Variants in CADPS2 observed in about 807,000 individuals in gnomAD.
The protein encoded by CADPS2 is calcium dependent secretion activator 2.
In CADPS2, 93 loss-of-function variants were observed where a neutral mutation model predicts 172.5. The observed-to-expected ratio is 0.54, with a 90% CI of 0.46 to 0.64. CADPS2 has a LOEUF of 0.64. CADPS2 is among the 30% of genes least tolerant of loss of function. The pLI is 0.00. For synonymous variants in CADPS2, 546 were observed against 555.2 expected (o/e 0.98, Z 0.23); for missense variants, 1,420 against 1,565.9 (o/e 0.91, Z 1.57).
chr7:122,617,843 A>G (rs1447903071), intron 5 of CADPS2, among the ~76,000 whole-genome samples: 1 of 152,162 alleles, frequency 6.6e-6, no homozygotes, highest in Non-Finnish European at 1.5e-5. Context: ...GGAGATCGAG[A>G]CCATCCTGGC....
intron 28 of CADPS2, among the ~76,000 whole-genome samples, chr7:122,329,530 C>A (rs912928668): frequency 1.3e-5 from 2 of 152,192 alleles, no homozygotes; most frequent in Non-Finnish European, 2.9e-5. Context: ...AGCAACATAC[C>A]GTGCTTTCTT....
At chr7:122,579,670 A>G (rs2068547245) in intron 7 of CADPS2, among the ~76,000 whole-genome samples, 1 of 151,872 alleles carries the variant, frequency 6.6e-6, no homozygotes, top group African/African-American at 2.4e-5. Context: ...AATAGTTTAA[A>G]TGAAAAACCC....
At chr7:122,411,436 C>T (rs781018003) in intron 19 of CADPS2, among the ~76,000 whole-genome samples, 6 of 151,804 alleles carry the variant, frequency 4.0e-5, no homozygotes, top group African/African-American at 7.3e-5. Flanking sequence ...GCCAGGCTGA[C>T]CTTGAACTCC....
chr7:122,628,437 G>A (rs187043603), intron 4 of CADPS2, among the ~76,000 whole-genome samples: 21 of 151,874 alleles, frequency 1.4e-4, no homozygotes, highest in Admixed American at 9.9e-4. Context: ...TACATGTTAC[G>A]AGAGAGAGAA....
intron 3 of CADPS2, among the ~76,000 whole-genome samples, chr7:122,656,088 T>C (rs1378263294): frequency 6.6e-6 from 1 of 152,094 alleles, no homozygotes; most frequent in South Asian, 2.1e-4. Context: ...ATGCCATGAG[T>C]GGTAGGAATA....
At chr7:122,516,697 T>A (rs1160499626) in intron 8 of CADPS2, among the ~76,000 whole-genome samples, 1 of 152,078 alleles carries the variant, frequency 6.6e-6, no homozygotes, top group Non-Finnish European at 1.5e-5. Flanking sequence ...ATGGGAAAAT[T>A]CTTATAATGT....
chr7:122,329,640 C>T (rs1453698428), intron 28 of CADPS2, among the ~76,000 whole-genome samples: 1 of 152,140 alleles, frequency 6.6e-6, no homozygotes, highest in Non-Finnish European at 1.5e-5. Context: ...TCCTTTTTAC[C>T]TAATTTATAA....
intron 1 of CADPS2, among the ~76,000 whole-genome samples, chr7:122,789,956 A>T (rs1794894925): frequency 6.6e-6 from 1 of 152,052 alleles, no homozygotes; most frequent in South Asian, 2.1e-4. Context: ...AACTATAAAG[A>T]CAGAGTACTA....
At chr7:122,630,568 G>T (rs763205485) in intron 3 of CADPS2, among the ~76,000 whole-genome samples, 33 of 152,092 alleles carry the variant, frequency 2.2e-4, no homozygotes, top group Non-Finnish European at 3.2e-4. Context: ...AGGGAATTTG[G>T]AGTTAGTTCC....
At position 122,546,838 on chromosome 7, in the gene CADPS2, G is replaced by A. The variant is rs117558133; in HGVS notation, c.1475+7712C>T. 3.5e-4 allele frequency among the ~76,000 whole-genome samples: 53 copies of A among 151,930 alleles called. No individual in the cohort carries two copies. In the East Asian group the frequency reaches 0.01, roughly 29 times the overall value. On this transcript the variant is annotated intron_variant, in intron 8 of 29. Coordinates refer to ENST00000449022, the MANE Select transcript of CADPS2 (RefSeq NM_017954.11). ...CTGCCTGTCTCATCATTAAAACACT[G>A]GTTCCTTGTATATTTCTCCTCATTC...
intron 1 of CADPS2, among the ~76,000 whole-genome samples, chr7:122,842,041 C>T (rs544313072): frequency 6.6e-6 from 1 of 152,204 alleles, no homozygotes; most frequent in South Asian, 2.1e-4. Context: ...TTGTTACCTC[C>T]TAGGCTGGAA....
In CADPS2 at chr7:122,660,420, G is replaced by T. The variant is rs538131851; in HGVS notation, c.786+2817C>A. ...GCAGTACACCAAAAGACACAAAATG[G>T]AATTCATATAAAGTGTTCAATCAAA... is the stretch of plus-strand genomic sequence containing the variant. On this transcript the variant is annotated intron_variant, in intron 3 of 29. Transcript: ENST00000449022. Among the ~76,000 whole-genome samples the T allele has an allele frequency of 6.6e-5, 10 of 152,112 alleles. No homozygotes were observed. The East Asian group carries it at 1.5e-3, about 24-fold the overall frequency.
chr7:122,562,897 T>C (rs2065943067), intron 7 of CADPS2, among the ~76,000 whole-genome samples: 1 of 152,124 alleles, frequency 6.6e-6, no homozygotes, highest in Non-Finnish European at 1.5e-5. Flanking sequence ...TTTTTAAAGG[T>C]TTAACAATGA....
intron 25 of CADPS2, among the ~76,000 whole-genome samples, chr7:122,377,598 C>A (rs1173456230): frequency 6.6e-6 from 1 of 152,106 alleles, no homozygotes; most frequent in Non-Finnish European, 1.5e-5. Context: ...GAAGAAGGTG[C>A]AAAGTTAACT....
intron 1 of CADPS2, among the ~76,000 whole-genome samples, chr7:122,881,554 T>A (rs1822939040): frequency 6.6e-6 from 1 of 152,058 alleles, no homozygotes; most frequent in Non-Finnish European, 1.5e-5. Context: ...TCACAACCCA[T>A]CTCTTCTGTA....
At chr7:122,831,081 G>A (rs552529154) in intron 1 of CADPS2, among the ~76,000 whole-genome samples, 1 of 152,298 alleles carries the variant, frequency 6.6e-6, no homozygotes, top group African/African-American at 2.4e-5. Flanking sequence ...AAGTTTAGAA[G>A]TTGTGCTAGA....
chr7:122,832,292 C>G (rs1806797215), intron 1 of CADPS2, among the ~76,000 whole-genome samples: 1 of 145,204 alleles, frequency 6.9e-6, no homozygotes, highest in Non-Finnish European at 1.5e-5. Context: ...TAGACAAATA[C>G]AAAAAGTGTG....
intron 28 of CADPS2, among the ~76,000 whole-genome samples, chr7:122,333,325 G>T (rs899192723): frequency 6.6e-6 from 1 of 152,192 alleles, no homozygotes; most frequent in Non-Finnish European, 1.5e-5. Context: ...CTGAGAATGA[G>T]CTGTTAGCAT....
At chr7:122,437,581 T>C (rs2050789943) in intron 17 of CADPS2, among the ~76,000 whole-genome samples, 1 of 152,098 alleles carries the variant, frequency 6.6e-6, no homozygotes, top group Non-Finnish European at 1.5e-5. Flanking sequence ...TAACATTAAC[T>C]GCATTTTTTC....
Sources: allele counts gnomAD v4.1 joint callset (sites outside exome capture counted in the v4.1 genomes callset), GRCh38; gene constraint gnomAD v4.1.1; transcripts MANE v1.5; gene names NCBI Gene and HGNC (gene_info 2026-07-23, HGNC 2026-07-21).